The following GPHN variants were observed in gnomAD, a reference collection of about 807,000 sequenced individuals.
GPHN encodes gephyrin.
Under a neutral mutation model 95.5 loss-of-function variants are expected in GPHN, and 17 were observed. The observed-to-expected ratio is 0.18, with a 90% CI of 0.12 to 0.27. The LOEUF is 0.27. Ranked by LOEUF, GPHN falls within the 10% of genes least tolerant of loss-of-function variation. The pLI, the probability that GPHN is intolerant of heterozygous loss-of-function variation, is 1.00. For synonymous variants in GPHN, 320 were observed against 322.5 expected, an observed-to-expected ratio of 0.99 and a Z score of 0.08; for missense variants, 660 against 978.1, an observed-to-expected ratio of 0.67 and a Z score of 4.34.
At chr14:66,645,351 C>T (rs1332154427) in intron 1 of GPHN, among the ~76,000 whole-genome samples, 1 of 152,000 alleles carries the variant, frequency 6.6e-6, no homozygotes, top group East Asian at 1.9e-4. Flanking sequence ...TATAATACAT[C>T]ACAACAACAT....
At chr14:67,675,833 C>T in the GPHN span, among the ~76,000 whole-genome samples, 1 of 152,180 alleles carries the variant, frequency 6.6e-6, no homozygotes, top group African/African-American at 2.4e-5. Flanking sequence ...CATGGTGGCT[C>T]ACGCGTCATC....
At chr14:66,714,747 T>C (rs1050121285) in intron 2 of GPHN, among the ~76,000 whole-genome samples, 1 of 152,210 alleles carries the variant, frequency 6.6e-6, no homozygotes, top group Non-Finnish European at 1.5e-5. Flanking sequence ...GTGATTTTTG[T>C]TTTTAATTCT....
chr14:66,621,025 C>A (rs752651985), intron 1 of GPHN, among the ~76,000 whole-genome samples: 1 of 152,010 alleles, frequency 6.6e-6, no homozygotes, highest in Non-Finnish European at 1.5e-5. Context: ...AGTGCACTGG[C>A]GTGATCTTGG....
At chr14:67,341,516 G>T in the GPHN span, among the ~76,000 whole-genome samples, 1 of 151,616 alleles carries the variant, frequency 6.6e-6, no homozygotes, top group Non-Finnish European at 1.5e-5. Context: ...GGAGGTGGGG[G>T]GGGTCAGCCC....
the GPHN span, among the ~76,000 whole-genome samples, chr14:67,481,286 A>C: frequency 6.6e-6 from 1 of 152,208 alleles, no homozygotes; most frequent in Admixed American, 6.5e-5. Context: ...TGTCTCTTAA[A>C]AAAGAAAGAA....
chr14:66,982,158 T>C (rs1020764838), intron 9 of GPHN, among the ~76,000 whole-genome samples: 3 of 152,148 alleles, frequency 2.0e-5, no homozygotes, highest in African/African-American at 7.2e-5. Flanking sequence ...TTAATTAAAA[T>C]ACTACATTTA....
At chr14:67,569,075 G>A in the GPHN span, 2 of 1,137,754 alleles carry the variant, frequency 1.8e-6, no homozygotes, top group Non-Finnish European at 2.6e-6. Flanking sequence ...TCCTGCACAT[G>A]CCTGGAGGGG....
At chr14:66,586,408 G>A (rs533533476) in intron 1 of GPHN, among the ~76,000 whole-genome samples, 9 of 152,264 alleles carry the variant, frequency 5.9e-5, no homozygotes, top group African/African-American at 1.9e-4. Context: ...GTATTGTTAT[G>A]TGTGAATTTG....
At chr14:66,542,464 C>T (rs144435799) in intron 1 of GPHN, among the ~76,000 whole-genome samples, 345 of 152,294 alleles carry the variant, frequency 2.3e-3, no homozygotes, top group African/African-American at 8.0e-3. Context: ...TCTGTCTACC[C>T]ATCTACCACC....
chr14:67,569,145 G>A, the GPHN span: 15 of 1,610,500 alleles, frequency 9.3e-6, no homozygotes, highest in South Asian at 2.2e-5. Context: ...CAGGAGAGCC[G>A]GATCTATGCT....
At chr14:67,685,806 G>A in the GPHN span, among the ~76,000 whole-genome samples, 2 of 151,894 alleles carry the variant, frequency 1.3e-5, no homozygotes, top group Non-Finnish European at 2.9e-5. Context: ...AGTGGAGACG[G>A]GATTTCATCA....
the GPHN span, chr14:67,695,667 G>T: frequency 3.7e-6 from 6 of 1,614,228 alleles, no homozygotes; most frequent in Non-Finnish European, 5.1e-6. Flanking sequence ...AGGAAGGGCA[G>T]AAGGAGGAGC....
chr14:67,017,922 G>T (rs2073401260), intron 9 of GPHN, among the ~76,000 whole-genome samples: 2 of 151,984 alleles, frequency 1.3e-5, no homozygotes, highest in Non-Finnish European at 2.9e-5. Flanking sequence ...ATAAATTTTA[G>T]TCTGCTGAGA....
chr14:67,619,699 T>C, the GPHN span: 1 of 342,250 alleles, frequency 2.9e-6, no homozygotes, highest in South Asian at 5.2e-5. Flanking sequence ...CCTTCTGGCG[T>C]CAGCGGCAGG....
the GPHN span, chr14:67,648,051 C>T: frequency 6.8e-6 from 11 of 1,610,022 alleles, no homozygotes; most frequent in African/African-American, 1.2e-4. Context: ...TTTTAGGAGA[C>T]AAAGACCAAT....
chr14:67,652,763 GA>G, the GPHN span: 1 of 152,168 alleles, frequency 6.6e-6, no homozygotes, highest in Non-Finnish European at 1.5e-5. Flanking sequence ...CTATGCAAGT[GA>G]AAACTACTTT....
chr14:66,758,493 G>A (rs1035391761), intron 2 of GPHN, among the ~76,000 whole-genome samples: 5 of 152,180 alleles, frequency 3.3e-5, no homozygotes, highest in South Asian at 4.2e-4. Flanking sequence ...GGGAGCCATC[G>A]TTTGAAGCTA....
the GPHN span, among the ~76,000 whole-genome samples, chr14:67,633,111 C>G: frequency 6.6e-6 from 1 of 152,094 alleles, no homozygotes; most frequent in African/African-American, 2.4e-5. Context: ...TGAGCCACTG[C>G]GCCCGGCCAA....
chr14:66,778,064 T>C (rs1056544294), intron 3 of GPHN, among the ~76,000 whole-genome samples: 4 of 152,126 alleles, frequency 2.6e-5, no homozygotes, highest in Non-Finnish European at 5.9e-5. Flanking sequence ...TGATTGTATA[T>C]CTAGAAAACC....
Sources: gnomAD v4.1 joint callset for allele counts (sites outside exome capture counted in the v4.1 genomes callset) on GRCh38, gnomAD v4.1.1 for gene constraint, MANE v1.5 for transcripts, NCBI Gene and HGNC (gene_info 2026-07-23, HGNC 2026-07-21) for gene names.